FTCDNL1: variants seen among roughly 807,000 people sequenced by gnomAD.
FTCDNL1 encodes the protein formiminotransferase N-terminal subdomain-containing protein.
Under a neutral mutation model 5.9 loss-of-function variants are expected in FTCDNL1, and 11 were observed. The observed-to-expected ratio is 1.87, with a 90% CI of 1.18 to 3.10. The LOEUF (loss-of-function observed/expected upper bound fraction) is 3.10, where lower values mean the gene tolerates loss of function less well. FTCDNL1 is among the 30% of genes most tolerant of loss of function. The probability of loss-of-function intolerance (pLI) is 0.00; values close to 1 mark genes in which losing one functional copy is unlikely to be tolerated. For missense variants in FTCDNL1, 115 were observed against 65.5 expected (o/e 1.76, Z -2.61); for synonymous variants, 58 against 24.8 (o/e 2.34, Z -3.99).
intron 3 of FTCDNL1, among the ~76,000 whole-genome samples, chr2:199,844,939 CT>C (rs979777420): frequency 8.4e-4 from 128 of 151,916 alleles, no homozygotes; most frequent in African/African-American, 2.9e-3. Context: ...TTTTTAGAGA[CT>C]GAGTCTTGCT....
intron 3 of FTCDNL1, among the ~76,000 whole-genome samples, chr2:199,837,374 G>A (rs1248283412): frequency 6.6e-6 from 1 of 152,154 alleles, no homozygotes; most frequent in African/African-American, 2.4e-5. Flanking sequence ...ATCAACTATT[G>A]TTTTTATGCT....
chr2:199,840,289 AC>A (rs1275859088), intron 3 of FTCDNL1, among the ~76,000 whole-genome samples: 1 of 152,268 alleles, frequency 6.6e-6, no homozygotes, highest in Non-Finnish European at 1.5e-5. Flanking sequence ...AAAGATAATG[AC>A]CAACTCCAGC....
chr2:199,686,211 A>G, the FTCDNL1 span, among the ~76,000 whole-genome samples: 1 of 67,458 alleles, frequency 1.5e-5, no homozygotes, highest in African/African-American at 3.9e-5. Context: ...TTTGGTAGTC[A>G]CATTTATTTT....
At chr2:199,699,968 C>T in the FTCDNL1 span, among the ~76,000 whole-genome samples, 2 of 150,352 alleles carry the variant, frequency 1.3e-5, no homozygotes, top group Admixed American at 1.3e-4. Flanking sequence ...AAGCTGAAAG[C>T]ATTCCTCTTG....
downstream of FTCDNL1, among the ~76,000 whole-genome samples, chr2:199,759,135 G>T (rs1382861203): frequency 1.3e-5 from 2 of 149,118 alleles, no homozygotes; most frequent in African/African-American, 2.4e-5. Flanking sequence ...ATATATATTT[G>T]TGTGTGTATA....
At chr2:199,784,287 T>C (rs1699525384) in intron 3 of FTCDNL1, among the ~76,000 whole-genome samples, 1 of 152,190 alleles carries the variant, frequency 6.6e-6, no homozygotes, top group Admixed American at 6.5e-5. Context: ...ATGCCTGAGA[T>C]ACTCCTCCAG....
chr2:199,694,852 A>T, the FTCDNL1 span, among the ~76,000 whole-genome samples: 3 of 152,144 alleles, frequency 2.0e-5, no homozygotes, highest in African/African-American at 4.8e-5. Flanking sequence ...TTAATTAATT[A>T]AAAAATATTC....
At chr2:199,670,259 A>G in the FTCDNL1 span, among the ~76,000 whole-genome samples, 8 of 152,240 alleles carry the variant, frequency 5.3e-5, no homozygotes, top group Non-Finnish European at 1.5e-5. Context: ...AATGCCAAAT[A>G]CTGGAAGTCA....
At chr2:199,702,863 A>G in the FTCDNL1 span, among the ~76,000 whole-genome samples, 1 of 152,190 alleles carries the variant, frequency 6.6e-6, no homozygotes, top group South Asian at 2.1e-4. Context: ...AAAAGGCATC[A>G]GCCATCGAAG....
At chr2:199,732,865 T>G in the FTCDNL1 span, among the ~76,000 whole-genome samples, 1 of 152,262 alleles carries the variant, frequency 6.6e-6, no homozygotes, top group Non-Finnish European at 1.5e-5. Context: ...ATTCTTTTTA[T>G]GGCAAAGGGA....
chr2:199,849,023 G>A, intron 1 of FTCDNL1, 54 bp from the exon 2 acceptor site: 1 of 667,132 alleles, frequency 1.5e-6, no homozygotes, highest in Non-Finnish European at 2.7e-6. Flanking sequence ...ATATTTTCAT[G>A]TTTTAACTAT....
the FTCDNL1 span, among the ~76,000 whole-genome samples, chr2:199,743,184 C>A: frequency 6.6e-6 from 1 of 152,066 alleles, no homozygotes; most frequent in Non-Finnish European, 1.5e-5. Context: ...TGGATCTGTC[C>A]CCAGCCCTGT....
At chr2:199,737,474 G>A in the FTCDNL1 span, among the ~76,000 whole-genome samples, 2 of 152,074 alleles carry the variant, frequency 1.3e-5, no homozygotes, top group Non-Finnish European at 2.9e-5. Flanking sequence ...TTTTTCCAGA[G>A]TTCTCCAAAT....
At chr2:199,797,730 C>T (rs1700241902) in intron 3 of FTCDNL1, among the ~76,000 whole-genome samples, 1 of 152,172 alleles carries the variant, frequency 6.6e-6, no homozygotes, top group Non-Finnish European at 1.5e-5. Context: ...TTTCCCTCAG[C>T]CTGGAATTGT....
chr2:199,746,638 A>G, the FTCDNL1 span, among the ~76,000 whole-genome samples: 4 of 151,962 alleles, frequency 2.6e-5, no homozygotes, highest in Admixed American at 1.3e-4. Context: ...AAAATCGATG[A>G]TAATCTTTCT....
At chr2:199,785,252 T>TTTTTTTTTTTTTTTC (rs1699579688) in intron 3 of FTCDNL1, among the ~76,000 whole-genome samples, 2 of 118,058 alleles carry the variant, frequency 1.7e-5, no homozygotes, top group Non-Finnish European at 3.5e-5. Context: ...CAAATTCCTT[T>TTTTTTTTTTTTTTTC]TTTTTTTTTT....
At chr2:199,700,469 A>G in the FTCDNL1 span, among the ~76,000 whole-genome samples, 1 of 152,330 alleles carries the variant, frequency 6.6e-6, no homozygotes, top group South Asian at 2.1e-4. Flanking sequence ...AAAAATGGCC[A>G]TACTGCCAAA....
the FTCDNL1 span, among the ~76,000 whole-genome samples, chr2:199,746,362 G>A: frequency 6.6e-6 from 1 of 152,100 alleles, no homozygotes; most frequent in Non-Finnish European, 1.5e-5. Flanking sequence ...GTGAAGTTGC[G>A]TCGACTTAGC....
downstream of FTCDNL1, among the ~76,000 whole-genome samples, chr2:199,808,533 G>A (rs1168606285): frequency 6.6e-6 from 1 of 152,108 alleles, no homozygotes; most frequent in Non-Finnish European, 1.5e-5. Context: ...CTTTCCAAAT[G>A]ACACACTGTA....
Sources: allele counts gnomAD v4.1 joint callset (sites outside exome capture counted in the v4.1 genomes callset), GRCh38; gene constraint gnomAD v4.1.1; transcripts MANE v1.5; gene names NCBI Gene and HGNC (gene_info 2026-07-23, HGNC 2026-07-21).